Variants in PTPRD observed in about 807,000 individuals in gnomAD.
The protein encoded by PTPRD is receptor-type tyrosine-protein phosphatase delta.
A neutral mutation model predicts 214.5 loss-of-function variants in PTPRD; 34 were observed. The ratio of observed to expected loss-of-function variants is 0.16; its 90% CI spans 0.12 to 0.21. The LOEUF is 0.21. Among genes scored for constraint, PTPRD ranks in the 10% least tolerant of loss-of-function variants. The pLI is 1.00. For synonymous variants in PTPRD, 1,128 were observed against 845.7 expected, an observed-to-expected ratio of 1.33 and a Z score of -5.79; for missense variants, 2,545 against 2,398.7, an observed-to-expected ratio of 1.06 and a Z score of -1.27.
At chr9:9,899,645 C>A (rs1377677195) in intron 5 of PTPRD, among the ~76,000 whole-genome samples, 3 of 151,558 alleles carry the variant, frequency 2.0e-5, no homozygotes, top group African/African-American at 7.3e-5. Context: ...TATGGAGGTT[C>A]CTCAAAAAAT....
rs1382362551 is a variant in PTPRD, at chr9:9,328,614, CTTGCTTTTTTTT to C, written c.-203+68823_-203+68834del. On this transcript the variant is annotated intron_variant, in intron 9 of 45. Coordinates refer to ENST00000381196, the MANE Select transcript of PTPRD (RefSeq NM_002839.4). ...GATCACATTTTCTTTTGTTGTTGTTCTTGCTTTTTTTTTTTTTTTTTTTTTTTTTTTTTTTTT... is the reference window on the plus strand; with the variant it reads ...GATCACATTTTCTTTTGTTGTTGTTCTTTTTTTTTTTTTTTTTTTTTTTTT... Among the ~76,000 whole-genome samples, 154 of 39,094 alleles carry C rather than the reference CTTGCTTTTTTTT, an allele frequency of 3.9e-3. 6 individuals carry two copies. The highest frequency in any genetic ancestry group is 0.011 in the African/African-American group (148 of 13,216). The allele number at this position is 39,094 out of a possible 152,430, so 25.6% of individuals were successfully genotyped here. A position where few individuals can be genotyped will look rare whatever the true frequency, so the allele number is the denominator to read the frequency against.
chr9:8,424,472 G>C (rs1158391772), intron 35 of PTPRD, among the ~76,000 whole-genome samples: 1 of 152,156 alleles, frequency 6.6e-6, no homozygotes, highest in Non-Finnish European at 1.5e-5. Context: ...AGGACTGAAT[G>C]AGTTAATGTT....
At chr9:8,845,080 T>C (rs191815430) in intron 11 of PTPRD, among the ~76,000 whole-genome samples, 114 of 152,098 alleles carry the variant, frequency 7.5e-4, no homozygotes, top group Middle Eastern at 3.4e-3. Context: ...TTAGCATAGT[T>C]TAATGTCTGG....
At chr9:9,984,809 C>A (rs76413186) in intron 4 of PTPRD, among the ~76,000 whole-genome samples, 12,228 of 152,000 alleles carry the variant, frequency 0.08, 578 homozygotes, top group East Asian at 0.099. Context: ...TACCCAGTGT[C>A]CATGTCAGGA....
At chr9:8,560,523 C>A (rs2085795160) in intron 14 of PTPRD, among the ~76,000 whole-genome samples, 1 of 150,998 alleles carries the variant, frequency 6.6e-6, no homozygotes, top group Non-Finnish European at 1.5e-5. Flanking sequence ...GAGTAATCAA[C>A]ATATAATTAA....
intron 5 of PTPRD, among the ~76,000 whole-genome samples, chr9:9,771,726 T>C (rs2098753316): frequency 6.6e-6 from 1 of 152,226 alleles, no homozygotes; most frequent in Non-Finnish European, 1.5e-5. Flanking sequence ...AATGACATTC[T>C]GTATTCCAAA....
chr9:8,870,468 AGTGT>A (rs2098276194), intron 11 of PTPRD, among the ~76,000 whole-genome samples: 1 of 152,096 alleles, frequency 6.6e-6, no homozygotes, highest in Non-Finnish European at 1.5e-5. Flanking sequence ...GGAAAAGGAA[AGTGT>A]GTGTGTCAAC....
At chr9:8,351,384 T>G (rs530667573) in intron 39 of PTPRD, among the ~76,000 whole-genome samples, 1 of 151,630 alleles carries the variant, frequency 6.6e-6, no homozygotes, top group Non-Finnish European at 1.5e-5. Context: ...ACTTTCACTT[T>G]AGTTGAAGTA....
intron 2 of PTPRD, among the ~76,000 whole-genome samples, chr9:10,601,878 T>G (rs1282858999): frequency 6.6e-6 from 1 of 151,740 alleles, no homozygotes; most frequent in African/African-American, 2.4e-5. Flanking sequence ...CATTTACAAC[T>G]GAAAATTCAT....
At chr9:10,526,539 T>C (rs1413255663) in intron 2 of PTPRD, among the ~76,000 whole-genome samples, 2 of 152,214 alleles carry the variant, frequency 1.3e-5, no homozygotes, top group East Asian at 1.9e-4. Context: ...TTGAAGGTAG[T>C]TATACAAAAC....
intron 9 of PTPRD, among the ~76,000 whole-genome samples, chr9:9,303,292 C>T (rs1956090850): frequency 6.6e-6 from 1 of 151,686 alleles, no homozygotes; most frequent in South Asian, 2.1e-4. Context: ...TCAAATATCC[C>T]AAAATACACA....
intron 10 of PTPRD, among the ~76,000 whole-genome samples, chr9:9,019,876 T>C (rs951407924): frequency 6.6e-6 from 1 of 152,202 alleles, no homozygotes; most frequent in Admixed American, 6.5e-5. Context: ...TCATTGAACT[T>C]GTTCACTTTT....
At chr9:9,594,886 G>A (rs985011999) in intron 7 of PTPRD, among the ~76,000 whole-genome samples, 4 of 151,872 alleles carry the variant, frequency 2.6e-5, no homozygotes, top group Non-Finnish European at 5.9e-5. Context: ...AAATCAGCAA[G>A]AAAAAACAAA....
chr9:9,892,215 A>G (rs555022693), intron 5 of PTPRD, among the ~76,000 whole-genome samples: 10 of 152,244 alleles, frequency 6.6e-5, no homozygotes, highest in African/African-American at 2.4e-4. Context: ...TGTAGGAAGA[A>G]AAGTAATAAA....
At chr9:9,911,528 C>T (rs10816225) in intron 5 of PTPRD, among the ~76,000 whole-genome samples, 1 of 150,914 alleles carries the variant, frequency 6.6e-6, no homozygotes, top group Non-Finnish European at 1.5e-5. Context: ...AGTTATACTG[C>T]TAAAATAAAA....
At chr9:8,587,099 G>A (rs2093721084) in intron 14 of PTPRD, among the ~76,000 whole-genome samples, 1 of 151,622 alleles carries the variant, frequency 6.6e-6, no homozygotes, top group Non-Finnish European at 1.5e-5. Context: ...GCAGTGAGCC[G>A]AGATCACACC....
At chr9:9,990,770 A>T (rs2095884647) in intron 4 of PTPRD, among the ~76,000 whole-genome samples, 1 of 152,192 alleles carries the variant, frequency 6.6e-6, no homozygotes, top group African/African-American at 2.4e-5. Flanking sequence ...AAATATCTCC[A>T]TTAAATTTAT....
intron 3 of PTPRD, among the ~76,000 whole-genome samples, chr9:10,102,672 A>C (rs1400194821): frequency 6.6e-6 from 1 of 151,606 alleles, no homozygotes; most frequent in African/African-American, 2.4e-5. Flanking sequence ...TCCTGAGGTG[A>C]TATTGTTAGT....
At chr9:8,547,407 C>A (rs2080505064) in intron 14 of PTPRD, among the ~76,000 whole-genome samples, 1 of 151,970 alleles carries the variant, frequency 6.6e-6, no homozygotes, top group Non-Finnish European at 1.5e-5. Context: ...CTTTGGGAGG[C>A]CAAGGTGGGC....
Sources: gnomAD v4.1 joint callset for allele counts (sites outside exome capture counted in the v4.1 genomes callset) on GRCh38, gnomAD v4.1.1 for gene constraint, MANE v1.5 for transcripts, NCBI Gene and HGNC (gene_info 2026-07-23, HGNC 2026-07-21) for gene names.